The following PHC3 variants were observed in gnomAD, a reference collection of about 807,000 sequenced individuals.
PHC3 encodes the protein polyhomeotic-like protein 3.
In PHC3, 13 loss-of-function variants were observed where a neutral mutation model predicts 107.4. That is an observed-to-expected ratio of 0.12 (90% confidence interval 0.08 to 0.19). The LOEUF is 0.19. Ranked by LOEUF, PHC3 falls within the 10% of genes least tolerant of loss-of-function variation. The probability of loss-of-function intolerance (pLI) is 1.00; values close to 1 mark genes in which losing one functional copy is unlikely to be tolerated. For missense variants in PHC3, 992 were observed against 1,210.9 expected, an observed-to-expected ratio of 0.82 and a Z score of 2.68; for synonymous variants, 456 against 427.4, an observed-to-expected ratio of 1.07 and a Z score of -0.83.
intron 2 of PHC3, among the ~76,000 whole-genome samples, chr3:170,175,953 C>G (rs1294799576): frequency 6.7e-6 from 1 of 148,720 alleles, no homozygotes; most frequent in Non-Finnish European, 1.5e-5. Context: ...CCCGGCCGGG[C>G]ACGGTAGCTC....
At chr3:170,176,307 A>G (rs1173660840) in intron 2 of PHC3, among the ~76,000 whole-genome samples, 1 of 151,562 alleles carries the variant, frequency 6.6e-6, no homozygotes, top group Admixed American at 6.6e-5. Flanking sequence ...TTAAAACCTC[A>G]CTCTGCATTC....
chr3:170,138,894 C>T (rs1373527207), intron 6 of PHC3, among the ~76,000 whole-genome samples: 1 of 151,958 alleles, frequency 6.6e-6, no homozygotes, highest in Non-Finnish European at 1.5e-5. Context: ...TCATTTGGAG[C>T]TCTTATTCAA....
chr3:170,139,276 T>A (rs867494996), intron 6 of PHC3, among the ~76,000 whole-genome samples: 5 of 152,250 alleles, frequency 3.3e-5, no homozygotes, highest in Non-Finnish European at 7.3e-5. Flanking sequence ...GCTAATTTTT[T>A]GGTAAGCACT....
chr3:170,175,816 C>A (rs1484953964), intron 2 of PHC3, among the ~76,000 whole-genome samples: 1 of 151,566 alleles, frequency 6.6e-6, no homozygotes, highest in South Asian at 2.1e-4. Flanking sequence ...CCCAGCTACT[C>A]AGGAGGCTGA....
rs750463123 is a variant in PHC3 at position 170,111,394 on chromosome 3, G to GAGGAAGGAAGGAAGGAAGGAAGGA, written c.2353+1942_2353+1965dup. ...AAAGAAAGAAAGAGAGAGAAAGAAA[G>GAGGAAGGAAGGAAGGAAGGAAGGA]AGGAAGGAAGGAAGGAAGGAAGGAA... On this transcript the variant is annotated intron_variant, in intron 11 of 14. Transcript: ENST00000495893. 3.4e-4 allele frequency among the ~76,000 whole-genome samples: 48 copies of GAGGAAGGAAGGAAGGAAGGAAGGA among 142,126 alleles called. No homozygotes were observed. The East Asian group carries it at 9.0e-3, about 27-fold the overall frequency. The allele number at this position is 142,126 out of a possible 152,430, so 93.2% of individuals were successfully genotyped here.
In PHC3 at chr3:170,088,677, C is replaced by T. The variant is rs1713749127; in HGVS notation, c.*8553G>A. The T allele has an allele frequency of 1.3e-5, 2 of 152,118 alleles. No individual in the cohort carries two copies. 9.4% of individuals were successfully genotyped at this position (152,118 alleles called of 1,614,324 possible). A position where few individuals can be genotyped will look rare whatever the true frequency, so the allele number is the denominator to read the frequency against. On this transcript the variant is annotated 3_prime_UTR_variant, in exon 15 of 15. Transcript: ENST00000495893. ...TGGAATACATATTTTAACAGCATAA[C>T]ATATTTGAAGAATTAGTTACACTTT...
At chr3:170,137,634 G>C (rs550410932) in intron 6 of PHC3, among the ~76,000 whole-genome samples, 2 of 152,220 alleles carry the variant, frequency 1.3e-5, no homozygotes, top group Admixed American at 1.3e-4. Context: ...ATGCTCAAAA[G>C]CTATACCTTC....
intron 8 of PHC3, among the ~76,000 whole-genome samples, chr3:170,124,065 G>A (rs1166328115): frequency 6.6e-6 from 1 of 151,960 alleles, no homozygotes; most frequent in African/African-American, 2.4e-5. Flanking sequence ...GGCCATGATG[G>A]TCTTGATCTC....
intron 6 of PHC3, among the ~76,000 whole-genome samples, chr3:170,143,712 T>A (rs1294777777): frequency 6.6e-6 from 1 of 152,184 alleles, no homozygotes; most frequent in African/African-American, 2.4e-5. Flanking sequence ...TTTATTGAGG[T>A]GTAACTTACA....
rs1296703420 is a variant in PHC3, at chr3:170,096,831, T to C, written c.*399A>G. On this transcript the variant is annotated 3_prime_UTR_variant, in exon 15 of 15. Transcript: ENST00000495893. ...CTCATGACAACCTTTAGAAAACTAA[T>C]AGGGTAGAAAAAATGTATAAGAAAA... 6.5e-6 allele frequency: 1 copy of C among 154,384 alleles called. No individual in the cohort carries two copies. Among genetic ancestry groups the C allele is most frequent in the Admixed American group, 6.5e-5 (1 of 15,386 alleles). The allele number at this position is 154,384 out of a possible 1,614,324, so 9.6% of individuals were successfully genotyped here. A position where few individuals can be genotyped will look rare whatever the true frequency, so the allele number is the denominator to read the frequency against.
At chr3:170,166,156 T>G (rs548478180) in intron 4 of PHC3, among the ~76,000 whole-genome samples, 3 of 151,988 alleles carry the variant, frequency 2.0e-5, no homozygotes, top group Admixed American at 1.3e-4. Flanking sequence ...GTGATTCTCC[T>G]GCCTCAGCTT....
chr3:170,146,242 G>A (rs1724916751), intron 5 of PHC3, among the ~76,000 whole-genome samples: 1 of 151,790 alleles, frequency 6.6e-6, no homozygotes, highest in African/African-American at 2.4e-5. Context: ...GGGTGTGGTG[G>A]CTCATGCCTG....
At chr3:170,177,367 CTATATA>C (rs750654870) in intron 2 of PHC3, among the ~76,000 whole-genome samples, 2 of 151,736 alleles carry the variant, frequency 1.3e-5, no homozygotes, top group East Asian at 1.9e-4. Flanking sequence ...CCTCTCAATA[CTATATA>C]TATATATTTT....
intron 1 of PHC3, among the ~76,000 whole-genome samples, chr3:170,180,535 G>A (rs1731218442): frequency 6.7e-6 from 1 of 150,022 alleles, no homozygotes; most frequent in Admixed American, 6.6e-5. Context: ...TTTTGGATTA[G>A]TAAATAATTC....
intron 2 of PHC3, chr3:170,176,892 G>A (rs1386333): frequency 0.43 from 195,451 of 452,270 alleles, 43,981 homozygotes; most frequent in East Asian, 0.7. Context: ...GAGGCTCAAG[G>A]GGATTATGTC....
At chr3:170,143,807 T>C (rs141784816) in intron 6 of PHC3, among the ~76,000 whole-genome samples, 1,856 of 152,230 alleles carry the variant, frequency 0.012, 40 homozygotes, top group African/African-American at 0.042. Flanking sequence ...ATCACCTTAA[T>C]CATGGAAGTT....
At chr3:170,163,136 G>A (rs1560117726) in intron 4 of PHC3, among the ~76,000 whole-genome samples, 1 of 152,090 alleles carries the variant, frequency 6.6e-6, no homozygotes, top group East Asian at 1.9e-4. Context: ...AAGAGGATTT[G>A]GCGAATATTA....
Position 170,094,893 on chromosome 3 carries a change from A to G in PHC3, c.*2337T>C, listed in dbSNP as rs1342345123. The stretch of plus-strand genomic sequence containing the variant: ...TACAGAATGGCTGCTATTAGGAAAG[A>G]GAACAAATAAAAGGAGAGCCTACAA... On this transcript the variant is annotated 3_prime_UTR_variant, in exon 15 of 15. Coordinates refer to ENST00000495893, the MANE Select transcript of PHC3 (RefSeq NM_024947.4). The G allele has an allele frequency of 2.0e-5, 3 of 152,188 alleles. No homozygotes were observed. The highest frequency in any genetic ancestry group is 7.2e-5 in the African/African-American group (3 of 41,456). The allele number at this position is 152,188 out of a possible 1,614,324, so 9.4% of individuals were successfully genotyped here.
At chr3:170,150,300 A>G (rs1014067299) in intron 4 of PHC3, among the ~76,000 whole-genome samples, 2 of 152,194 alleles carry the variant, frequency 1.3e-5, no homozygotes, top group African/African-American at 4.8e-5. Flanking sequence ...GCTCTCAAGC[A>G]AAAGAAAATA....
Sources: gnomAD v4.1 joint callset for allele counts (sites outside exome capture counted in the v4.1 genomes callset) on GRCh38, gnomAD v4.1.1 for gene constraint, MANE v1.5 for transcripts, NCBI Gene and HGNC (gene_info 2026-07-23, HGNC 2026-07-21) for gene names.